The following TMEM132B variants were observed in gnomAD, a reference collection of about 807,000 sequenced individuals.
TMEM132B encodes transmembrane protein 132B.
TMEM132B carries 18 observed loss-of-function variants against 90.8 expected under a neutral mutation model. The observed-to-expected ratio is 0.20, with a 90% CI of 0.14 to 0.29. The LOEUF (loss-of-function observed/expected upper bound fraction) is 0.29. Ranked by LOEUF, TMEM132B falls within the 10% of genes least tolerant of loss-of-function variation. The pLI is 1.00. For missense variants in TMEM132B, 1,096 were observed against 1,326.8 expected (o/e 0.83, Z 2.70); for synonymous variants, 504 against 523.3 (o/e 0.96, Z 0.50).
At chr12:125,417,085 T>C (rs541666916) in intron 3 of TMEM132B, among the ~76,000 whole-genome samples, 101 of 152,296 alleles carry the variant, frequency 6.6e-4, no homozygotes, top group African/African-American at 2.3e-3. Context: ...CTGGGTGTTT[T>C]CTGTCTTCCC....
chr12:125,232,508 T>C (rs1873850201), intron 1 of TMEM132B, among the ~76,000 whole-genome samples: 1 of 152,212 alleles, frequency 6.6e-6, no homozygotes, highest in South Asian at 2.1e-4. Flanking sequence ...TCATGGAATT[T>C]TCCTGATGAA....
intron 4 of TMEM132B, among the ~76,000 whole-genome samples, chr12:125,567,287 G>A (rs148845570): frequency 4.6e-5 from 7 of 151,916 alleles, no homozygotes; most frequent in African/African-American, 7.2e-5. Flanking sequence ...TCTCTCTCTC[G>A]CTGTCATTCT....
At chr12:125,534,256 C>A (rs1883733036) in intron 4 of TMEM132B, among the ~76,000 whole-genome samples, 1 of 152,192 alleles carries the variant, frequency 6.6e-6, no homozygotes, top group South Asian at 2.1e-4. Flanking sequence ...GTGGCTCACG[C>A]CTGTAATCCT....
chr12:125,247,575 A>G (rs1037375549), intron 1 of TMEM132B, among the ~76,000 whole-genome samples: 7 of 152,158 alleles, frequency 4.6e-5, no homozygotes, highest in Non-Finnish European at 8.8e-5. Context: ...TCTTGGCCCC[A>G]GGGAGACAAG....
chr12:125,336,468 C>G (rs1006492925), intron 1 of TMEM132B, among the ~76,000 whole-genome samples: 4 of 152,214 alleles, frequency 2.6e-5, no homozygotes, highest in African/African-American at 7.2e-5. Context: ...CCAGCCTATG[C>G]CAGCTATGAC....
intron 1 of TMEM132B, among the ~76,000 whole-genome samples, chr12:125,262,245 C>CAAAAA (rs11307058): frequency 1.2e-5 from 1 of 84,310 alleles, no homozygotes; most frequent in African/African-American, 4.1e-5. Context: ...CCTGTTTCTA[C>CAAAAA]AAAAAAAAAA....
chr12:125,379,819 A>T (rs1472639096), intron 2 of TMEM132B, among the ~76,000 whole-genome samples: 1 of 152,222 alleles, frequency 6.6e-6, no homozygotes, highest in Non-Finnish European at 1.5e-5. Flanking sequence ...GAGATTTTCC[A>T]TCATGAATGA....
At chr12:125,419,757 G>A (rs991010436) in intron 3 of TMEM132B, among the ~76,000 whole-genome samples, 2 of 152,174 alleles carry the variant, frequency 1.3e-5, no homozygotes, top group Non-Finnish European at 2.9e-5. Flanking sequence ...TCCTATCTGA[G>A]ACAAGGCAAG....
At chr12:125,545,089 A>C (rs757559) in intron 4 of TMEM132B, among the ~76,000 whole-genome samples, 11,447 of 152,164 alleles carry the variant, frequency 0.075, 553 homozygotes, top group South Asian at 0.15. Flanking sequence ...TCTGTGGGGG[A>C]AACCATAATC....
At chr12:125,325,943 C>T (rs542725722) in intron 1 of TMEM132B, among the ~76,000 whole-genome samples, 1 of 152,094 alleles carries the variant, frequency 6.6e-6, no homozygotes, top group African/African-American at 2.4e-5. Context: ...GTGTGAGGAC[C>T]GAGTTTCTTT....
intron 1 of TMEM132B, among the ~76,000 whole-genome samples, chr12:125,235,944 C>G (rs1873926250): frequency 6.6e-6 from 1 of 151,638 alleles, no homozygotes; most frequent in Non-Finnish European, 1.5e-5. Flanking sequence ...GCTGGGGCCA[C>G]AGGCGTCCAC....
Position 125,652,509 on chromosome 12 carries a change from C to A in TMEM132B, c.1983C>A (p.Thr661=), listed in dbSNP as rs756925697. 3.7e-6 allele frequency: 6 copies of A among 1,613,706 alleles called. No individual in the cohort carries two copies. The highest frequency in any genetic ancestry group is 5.1e-6 in the Non-Finnish European group (6 of 1,179,768). ...TGATTGTCCTGGATGACCGAGTCAC[C>A]ATCGCGGAGCTGGGAGTGCAGCTCG... ...KTVIVLDDRV[T]IAELGVQLVA... is the part of the protein sequence containing the mutation. The change falls in exon 8 of 9, where the codon ACC becomes ACA. Residue 661 remains threonine (T), a synonymous_variant. Transcript: ENST00000682704.
intron 3 of TMEM132B, among the ~76,000 whole-genome samples, chr12:125,438,982 A>G (rs996342091): frequency 1.3e-5 from 2 of 152,186 alleles, no homozygotes; most frequent in African/African-American, 4.8e-5. Flanking sequence ...GAGTAACATT[A>G]TTTAAAATTT....
chr12:125,400,145 C>T (rs1353317239), intron 2 of TMEM132B, among the ~76,000 whole-genome samples: 4 of 152,218 alleles, frequency 2.6e-5, no homozygotes, highest in Admixed American at 2.6e-4. Flanking sequence ...GAGATCAAGG[C>T]AGCTGTTATA....
At chr12:125,623,902 T>C (rs1886170649) in intron 5 of TMEM132B, among the ~76,000 whole-genome samples, 1 of 152,188 alleles carries the variant, frequency 6.6e-6, no homozygotes, top group Non-Finnish European at 1.5e-5. Flanking sequence ...CTGGGTTACA[T>C]CTCCACTAAG....
intron 2 of TMEM132B, among the ~76,000 whole-genome samples, chr12:125,388,809 G>A (rs1055546488): frequency 6.6e-6 from 1 of 152,146 alleles, no homozygotes; most frequent in Non-Finnish European, 1.5e-5. Flanking sequence ...CACACATGTG[G>A]ATATTGTTTC....
At chr12:125,391,749 G>GTTAAA (rs1278395902) in intron 2 of TMEM132B, among the ~76,000 whole-genome samples, 2 of 152,164 alleles carry the variant, frequency 1.3e-5, no homozygotes, top group African/African-American at 4.8e-5. Context: ...ATTCCCTCCA[G>GTTAAA]TTAAATTAAA....
chr12:125,356,479 G>A (rs921986696), intron 2 of TMEM132B, among the ~76,000 whole-genome samples: 2 of 152,142 alleles, frequency 1.3e-5, no homozygotes, highest in African/African-American at 2.4e-5. Flanking sequence ...CAGTAACCAC[G>A]ATTGATTCTC....
intron 3 of TMEM132B, among the ~76,000 whole-genome samples, chr12:125,485,549 A>G (rs1268317013): frequency 6.6e-6 from 1 of 152,156 alleles, no homozygotes; most frequent in African/African-American, 2.4e-5. Flanking sequence ...CTAACCTGTT[A>G]TGCCAAGTCC....
Sources: allele counts gnomAD v4.1 joint callset (sites outside exome capture counted in the v4.1 genomes callset), GRCh38; gene constraint gnomAD v4.1.1; transcripts MANE v1.5; gene names NCBI Gene and HGNC (gene_info 2026-07-23, HGNC 2026-07-21).